ZRANB3: variants seen among roughly 807,000 people sequenced by gnomAD.
ZRANB3 encodes the protein DNA annealing helicase and endonuclease ZRANB3.
A neutral mutation model predicts 133.8 loss-of-function variants in ZRANB3; 125 were observed. The observed-to-expected ratio is 0.93, with a 90% CI of 0.81 to 1.08. The LOEUF is 1.08. Among genes scored for constraint, ZRANB3 ranks in the 50% least tolerant of loss-of-function variants. ZRANB3 has a pLI of 0.00. For missense variants in ZRANB3, 1,229 were observed against 1,275.5 expected (o/e 0.96, Z 0.56); for synonymous variants, 387 against 432.7 (o/e 0.89, Z 1.31).
chr2:135,511,100 C>T, intron 1 of ZRANB3: 1 of 768,644 alleles, frequency 1.3e-6, no homozygotes, highest in South Asian at 1.4e-5. Flanking sequence ...CTGTACAGGG[C>T]TGTGAAGCTA....
intron 3 of ZRANB3, among the ~76,000 whole-genome samples, chr2:135,382,734 G>C (rs6430571): frequency 0.5 from 75,994 of 151,996 alleles, 24,013 homozygotes; most frequent in African/African-American, 0.84. Context: ...CATATGCAGC[G>C]AAACTAAGCT....
intron 6 of ZRANB3, among the ~76,000 whole-genome samples, chr2:135,316,700 G>C: frequency 6.6e-6 from 1 of 152,040 alleles, no homozygotes; most frequent in East Asian, 1.9e-4. Flanking sequence ...GGGCACGGTG[G>C]CTCACGCCCG....
chr2:135,206,575 T>G (rs965581830), intron 19 of ZRANB3, among the ~76,000 whole-genome samples: 2 of 151,772 alleles, frequency 1.3e-5, no homozygotes, highest in Admixed American at 1.3e-4. Context: ...AAACCAAACA[T>G]AGACTTAGTA....
intron 12 of ZRANB3, among the ~76,000 whole-genome samples, chr2:135,242,762 A>T (rs962598788): frequency 6.6e-6 from 1 of 152,064 alleles, no homozygotes; most frequent in Non-Finnish European, 1.5e-5. Context: ...ACTTCTGGGT[A>T]ATTTCTTCAT....
intron 8 of ZRANB3, among the ~76,000 whole-genome samples, chr2:135,283,993 TC>T (rs913761097): frequency 1.3e-5 from 2 of 152,008 alleles, no homozygotes; most frequent in Non-Finnish European, 1.5e-5. Flanking sequence ...TTAAAAAAAA[TC>T]ACTAATAGAA....
chr2:135,328,821 G>A (rs1156355398), intron 6 of ZRANB3, among the ~76,000 whole-genome samples: 1 of 152,174 alleles, frequency 6.6e-6, no homozygotes, highest in Non-Finnish European at 1.5e-5. Flanking sequence ...CAGTGATGAT[G>A]AGCATTTTTT....
intron 3 of ZRANB3, among the ~76,000 whole-genome samples, chr2:135,356,492 A>AT (rs1267886719): frequency 3.3e-5 from 5 of 152,326 alleles, no homozygotes; most frequent in African/African-American, 1.2e-4. Context: ...GGAAACTAGC[A>AT]TAAGTATGGG....
chr2:135,461,576 A>G (rs571122746), intron 2 of ZRANB3, among the ~76,000 whole-genome samples: 124 of 152,296 alleles, frequency 8.1e-4, no homozygotes, highest in African/African-American at 2.7e-3. Flanking sequence ...CATCTTAAAC[A>G]AAACAAAACA....
intron 5 of ZRANB3, among the ~76,000 whole-genome samples, chr2:135,346,272 T>C (rs771333523): frequency 1.3e-5 from 2 of 152,098 alleles, no homozygotes; most frequent in Non-Finnish European, 2.9e-5. Context: ...AATTTTGTTT[T>C]TGTATTTTTA....
intron 3 of ZRANB3, among the ~76,000 whole-genome samples, chr2:135,373,055 T>C (rs1335136561): frequency 6.8e-5 from 10 of 147,896 alleles, no homozygotes; most frequent in African/African-American, 2.5e-4. Context: ...CGAGACTCCA[T>C]CTCGAAAAAA....
rs561269089 is a variant in ZRANB3, at chr2:135,251,225, G to A, written c.1539+14309C>T. Among the ~76,000 whole-genome samples, 3 of 152,260 alleles carry A rather than the reference G, an allele frequency of 2.0e-5. No individual in the cohort carries two copies. The South Asian group carries it at 6.2e-4, about 32-fold the overall frequency. On this transcript the variant is annotated intron_variant, in intron 12 of 20. Transcript: ENST00000264159. The stretch of plus-strand genomic sequence containing the variant: ...TGTTTTGGCCAATTTCTTCCATTTG[G>A]AATAGCTGTATTTAACCTGTACCCC...
At chr2:135,426,003 G>A (rs1216919967) in intron 2 of ZRANB3, among the ~76,000 whole-genome samples, 2 of 152,040 alleles carry the variant, frequency 1.3e-5, no homozygotes, top group East Asian at 3.8e-4. Context: ...AAGTGACAAA[G>A]AGGACATTAC....
At chr2:135,377,378 C>T (rs1686476369) in intron 3 of ZRANB3, among the ~76,000 whole-genome samples, 1 of 152,096 alleles carries the variant, frequency 6.6e-6, no homozygotes, top group South Asian at 2.1e-4. Flanking sequence ...CACCCAGGTC[C>T]TCATTCTAGT....
At chr2:135,328,258 C>T (rs915162365) in intron 6 of ZRANB3, among the ~76,000 whole-genome samples, 1 of 143,688 alleles carries the variant, frequency 7.0e-6, no homozygotes, top group Non-Finnish European at 1.5e-5. Flanking sequence ...ATGTTCCCTG[C>T]CCTATGTCCA....
intron 11 of ZRANB3, 40 bp from the exon 12 acceptor site, chr2:135,265,726 C>A (rs1165781485): frequency 1.9e-6 from 3 of 1,568,064 alleles, no homozygotes; most frequent in Middle Eastern, 1.7e-4. Flanking sequence ...GAGCAGTTCA[C>A]CTCACAGCTG....
At chr2:135,242,211 G>GA (rs1695584065) in intron 12 of ZRANB3, among the ~76,000 whole-genome samples, 1 of 151,856 alleles carries the variant, frequency 6.6e-6, no homozygotes, top group Non-Finnish European at 1.5e-5. Context: ...TTGGATTTAG[G>GA]TATCAGAGAA....
intron 2 of ZRANB3, among the ~76,000 whole-genome samples, chr2:135,398,433 G>C (rs1447420682): frequency 1.3e-5 from 2 of 151,458 alleles, no homozygotes; most frequent in Non-Finnish European, 2.9e-5. Context: ...AAGGTATCAA[G>C]TCTTGAGCTG....
At chr2:135,425,079 T>C (rs1355970054) in intron 2 of ZRANB3, among the ~76,000 whole-genome samples, 2 of 152,146 alleles carry the variant, frequency 1.3e-5, no homozygotes, top group Non-Finnish European at 2.9e-5. Context: ...AAAAAAAATT[T>C]ATAGGCCAGG....
At chr2:135,460,717 G>A (rs1052364447) in intron 2 of ZRANB3, among the ~76,000 whole-genome samples, 8 of 152,052 alleles carry the variant, frequency 5.3e-5, no homozygotes, top group Admixed American at 2.6e-4. Context: ...GGCAATTTTC[G>A]TATTTTCTCA....
Sources: gnomAD v4.1 joint callset for allele counts (sites outside exome capture counted in the v4.1 genomes callset) on GRCh38, gnomAD v4.1.1 for gene constraint, MANE v1.5 for transcripts, NCBI Gene and HGNC (gene_info 2026-07-23, HGNC 2026-07-21) for gene names.